The following ANKDD1A variants were observed in gnomAD, a reference collection of about 807,000 sequenced individuals.
The protein encoded by ANKDD1A is ankyrin repeat and death domain containing 1A, also known as ankyrin repeat and death domain-containing protein 1A.
Under a neutral mutation model 63.5 loss-of-function variants are expected in ANKDD1A, and 59 were observed. That is an observed-to-expected ratio of 0.93 (90% CI 0.75 to 1.15). ANKDD1A has a LOEUF of 1.15. Ranked by LOEUF, ANKDD1A falls within the 50% of genes most tolerant of loss-of-function variation. The pLI is 0.00. For synonymous variants in ANKDD1A, 266 were observed against 263.9 expected (o/e 1.01, Z -0.08); for missense variants, 632 against 656.4 (o/e 0.96, Z 0.41).
chr15:64,926,865 G>T, intron 5 of ANKDD1A, 36 bp from the exon 6 acceptor site: 1 of 1,611,356 alleles, frequency 6.2e-7, no homozygotes, highest in Non-Finnish European at 8.5e-7. Context: ...CACTGACAGA[G>T]TGAGGAAGGC....
At chr15:64,936,451 T>A (rs2085133122) in intron 9 of ANKDD1A, among the ~76,000 whole-genome samples, 1 of 152,208 alleles carries the variant, frequency 6.6e-6, no homozygotes, top group African/African-American at 2.4e-5. Flanking sequence ...ATTTATTTAT[T>A]TAATTGTGTC....
At chr15:64,934,101 C>T in intron 8 of ANKDD1A, 35 bp from the exon 9 acceptor site, 1 of 1,570,966 alleles carries the variant, frequency 6.4e-7, no homozygotes, top group Non-Finnish European at 8.7e-7. Flanking sequence ...AGGAGGGGTC[C>T]TTGTGATAAC....
intron 6 of ANKDD1A, among the ~76,000 whole-genome samples, chr15:64,927,394 G>C (rs1166542847): frequency 1.3e-5 from 2 of 152,164 alleles, no homozygotes; most frequent in African/African-American, 4.8e-5. Context: ...AAGTGTTAGG[G>C]GGTGGTAGCC....
intron 14 of ANKDD1A, among the ~76,000 whole-genome samples, chr15:64,952,821 CTCCTCCTTCT>C (rs2085321805): frequency 7.2e-6 from 1 of 139,406 alleles, no homozygotes; most frequent in Non-Finnish European, 1.5e-5. Flanking sequence ...CTCCTTCTTC[CTCCTCCTTCT>C]TCCTTTCTTC....
intron 13 of ANKDD1A, among the ~76,000 whole-genome samples, chr15:64,949,237 G>C (rs1160480496): frequency 6.6e-6 from 1 of 152,212 alleles, no homozygotes; most frequent in African/African-American, 2.4e-5. Context: ...TTCCAAACAT[G>C]GTTGTATGTT....
intron 6 of ANKDD1A, among the ~76,000 whole-genome samples, 186 bp downstream of exon 6, chr15:64,927,185 C>T (rs1052380367): frequency 1.2e-4 from 18 of 152,278 alleles, no homozygotes; most frequent in Non-Finnish European, 2.1e-4. Flanking sequence ...TGGGCCAGCC[C>T]TGTGCTACAG....
At chr15:64,954,155 T>A (rs2085375825) in intron 14 of ANKDD1A, among the ~76,000 whole-genome samples, 1 of 118,100 alleles carries the variant, frequency 8.5e-6, no homozygotes, top group African/African-American at 2.7e-5. Flanking sequence ...TGTTCCTTAT[T>A]ATTCTTTCTT....
At chr15:64,922,855 A>G (rs1397920360) in intron 4 of ANKDD1A, among the ~76,000 whole-genome samples, 1 of 152,180 alleles carries the variant, frequency 6.6e-6, no homozygotes, top group Non-Finnish European at 1.5e-5. Flanking sequence ...AGTACTTGTG[A>G]CTTTGTCACT....
Position 64,942,581 on chromosome 15 carries a change from G to A in ANKDD1A, c.966+16G>A. The A allele has an allele frequency of 6.2e-7, 1 of 1,603,634 alleles. No homozygotes were observed. Among genetic ancestry groups the A allele is most frequent in the Non-Finnish European group, 8.5e-7 (1 of 1,174,182 alleles). On this transcript the variant is annotated intron_variant, in intron 10 of 14. Transcript: ENST00000319580. ...CGTGGACAATGTAAGTGGCTACAGA[G>A]ACCTTCCGGGCCCCAGGGAGCTTCT...
chr15:64,954,590 CCTT>C (rs1332385277), intron 14 of ANKDD1A, among the ~76,000 whole-genome samples: 8 of 132,242 alleles, frequency 6.0e-5, no homozygotes, highest in East Asian at 4.7e-4. Flanking sequence ...CCTTATTCTT[CCTT>C]CTTCTCCTTC....
In ANKDD1A at chr15:64,957,119, G is replaced by T; in HGVS notation, c.1500G>T (p.Ala500=). Residue 500 remains alanine (A), a synonymous_variant, in exon 15 of 15, where the codon GCG becomes GCT. Transcript: ENST00000319580. The part of the protein sequence containing the change: ...RRDLAGWSTM[A]RSQLTATSAS... ...CTCACCCAGGCTGGAGTACAATGGCGAGATCTCAGCTCACGGCAACCTCCG... is the reference window on the plus strand; with the variant it reads ...CTCACCCAGGCTGGAGTACAATGGCTAGATCTCAGCTCACGGCAACCTCCG... 1 of 445,742 alleles carries T rather than the reference G, an allele frequency of 2.2e-6. No homozygotes were observed. Among genetic ancestry groups the T allele is most frequent in the South Asian group, 1.6e-5 (1 of 63,460 alleles). The allele number at this position is 445,742 out of a possible 1,614,324, so 27.6% of individuals were successfully genotyped here.
At position 64,952,753 on chromosome 15, in the gene ANKDD1A, TCTCCTC is replaced by T. The variant is rs148979860; in HGVS notation, c.1483+2790_1483+2795del. ...CTCCTTCTTCCTCCTTCTTTCCTCT[TCTCCTC>T]CTCCTCCTTTCTTTTCTTCTTCCTT... On this transcript the variant is annotated intron_variant, in intron 14 of 14. Transcript: ENST00000319580. Among the ~76,000 whole-genome samples, 175 of 141,524 alleles carry T rather than the reference TCTCCTC, an allele frequency of 1.2e-3. 1 individual carries two copies. Among genetic ancestry groups the T allele is most frequent in the Non-Finnish European group, 1.8e-3 (119 of 65,738 alleles). 92.8% of individuals were successfully genotyped at this position (141,524 alleles called of 152,430 possible).
Position 64,932,749 on chromosome 15 carries a change from A to G in ANKDD1A, c.768+1164A>G, listed in dbSNP as rs554408783. 6 of 152,132 alleles carry G rather than the reference A, an allele frequency of 3.9e-5. No individual in the cohort carries two copies. The South Asian group carries it at 1.2e-3, about 32-fold the overall frequency. 9.4% of individuals were successfully genotyped at this position (152,132 alleles called of 1,614,324 possible). On this transcript the variant is annotated intron_variant, in intron 8 of 14. Transcript: ENST00000319580. ...AAACAGAGAATTAAAATGTTATGCT[A>G]AAAAATATTTATTTCCCCACTGCTT... is the stretch of plus-strand genomic sequence containing the variant.
chr15:64,954,617 CTCTTT>C (rs1230406726), intron 14 of ANKDD1A, among the ~76,000 whole-genome samples: 2 of 117,630 alleles, frequency 1.7e-5, no homozygotes, highest in Admixed American at 2.0e-4. Flanking sequence ...CTCCTCCTTC[CTCTTT>C]TCTTCTTCCT....
intron 9 of ANKDD1A, among the ~76,000 whole-genome samples, chr15:64,935,965 G>A (rs529896120): frequency 1.3e-5 from 2 of 152,142 alleles, no homozygotes; most frequent in Non-Finnish European, 2.9e-5. Context: ...TTGGTGTTAG[G>A]CCTGGCTTTG....
intron 14 of ANKDD1A, among the ~76,000 whole-genome samples, chr15:64,952,804 C>T (rs1158732282): frequency 1.2e-4 from 17 of 139,310 alleles, no homozygotes; most frequent in Non-Finnish European, 3.1e-5. Context: ...CTTTTCTTCT[C>T]CTTCTCCTCC....
chr15:64,956,232 CT>C (rs1326620566), intron 14 of ANKDD1A, among the ~76,000 whole-genome samples: 2 of 96,304 alleles, frequency 2.1e-5, no homozygotes, highest in African/African-American at 6.3e-5. Context: ...CTTTGGATTC[CT>C]TTTTTTTTTC....
At chr15:64,935,949 G>A (rs1188161103) in intron 9 of ANKDD1A, among the ~76,000 whole-genome samples, 1 of 152,078 alleles carries the variant, frequency 6.6e-6, no homozygotes, top group African/African-American at 2.4e-5. Context: ...TTAAAAACAA[G>A]AGGCTTTGGT....
chr15:64,953,796 T>G lies in ANKDD1A; in HGVS notation c.1484-3307T>G, dbSNP rs1347930906. On this transcript the variant is annotated intron_variant, in intron 14 of 14. Coordinates refer to ENST00000319580, the MANE Select transcript of ANKDD1A (RefSeq NM_182703.6). ...TCCCTCTTTTCTTTCTTCTGCTTTCTTCTTCCTTTTTTTCTTCTTCCTTAT... is the reference window on the plus strand; with the variant it reads ...TCCCTCTTTTCTTTCTTCTGCTTTCGTCTTCCTTTTTTTCTTCTTCCTTAT... 1.9e-3 allele frequency among the ~76,000 whole-genome samples: 240 copies of G among 128,894 alleles called. 1 individual carries two copies. Among genetic ancestry groups the G allele is most frequent in the African/African-American group, 6.8e-3 (228 of 33,490 alleles). 84.6% of individuals were successfully genotyped at this position (128,894 alleles called of 152,430 possible).
Sources: gnomAD v4.1 joint callset for allele counts (sites outside exome capture counted in the v4.1 genomes callset) on GRCh38, gnomAD v4.1.1 for gene constraint, MANE v1.5 for transcripts, NCBI Gene and HGNC (gene_info 2026-07-23, HGNC 2026-07-21) for gene names.